Variants in STXBP5L observed in about 807,000 individuals in gnomAD.
The protein encoded by STXBP5L is syntaxin-binding protein 5-like.
A neutral mutation model predicts 144.5 loss-of-function variants in STXBP5L; 65 were observed. The ratio of observed to expected loss-of-function variants is 0.45; its 90% CI spans 0.37 to 0.55. The LOEUF is 0.55. Ranked by LOEUF, STXBP5L falls within the 20% of genes least tolerant of loss-of-function variation. The pLI is 0.00. For synonymous variants in STXBP5L, 505 were observed against 469.6 expected (o/e 1.08, Z -0.97); for missense variants, 1,298 against 1,405.5 (o/e 0.92, Z 1.22).
chr3:120,988,692 G>A lies in STXBP5L; in HGVS notation c.287+33655G>A, dbSNP rs1026266213. Among the ~76,000 whole-genome samples, 5 of 151,910 alleles carry A rather than the reference G, an allele frequency of 3.3e-5. No individual in the cohort carries two copies. In the East Asian group the frequency reaches 5.8e-4, roughly 18 times the overall value. ...TAAAAAATTTTTTTAGAGATGAAAG[G>A]GGTACAAGTGCAGTTTTGTTACATG... On this transcript the variant is annotated intron_variant, in intron 3 of 26. Coordinates refer to ENST00000471454, the MANE Select transcript of STXBP5L (RefSeq NM_001308330.2).
At chr3:121,372,296 T>C (rs964185737) in intron 20 of STXBP5L, among the ~76,000 whole-genome samples, 4 of 152,122 alleles carry the variant, frequency 2.6e-5, no homozygotes, top group Admixed American at 6.5e-5. Flanking sequence ...GACCACCCTA[T>C]AGAGTTCAGG....
chr3:121,175,328 T>C (rs78682087), intron 9 of STXBP5L, among the ~76,000 whole-genome samples: 5,405 of 152,068 alleles, frequency 0.036, 147 homozygotes, highest in Middle Eastern at 0.082. Context: ...CTGTAACTAC[T>C]GGCTAGATTA....
At chr3:121,196,496 A>G (rs2047926050) in intron 9 of STXBP5L, among the ~76,000 whole-genome samples, 1 of 152,072 alleles carries the variant, frequency 6.6e-6, no homozygotes, top group Admixed American at 6.6e-5. Flanking sequence ...GTGTTCAAAG[A>G]ACCAACTTTT....
At chr3:120,940,832 A>G (rs555238428) in intron 2 of STXBP5L, among the ~76,000 whole-genome samples, 1 of 151,828 alleles carries the variant, frequency 6.6e-6, no homozygotes, top group South Asian at 2.1e-4. Context: ...TGGTATGTAT[A>G]TATACTTTTC....
intron 20 of STXBP5L, among the ~76,000 whole-genome samples, chr3:121,348,480 T>A (rs1044778030): frequency 1.3e-5 from 2 of 152,154 alleles, no homozygotes; most frequent in Non-Finnish European, 1.5e-5. Flanking sequence ...ATAAAATGAG[T>A]TAGGGAGGAT....
intron 7 of STXBP5L, among the ~76,000 whole-genome samples, chr3:121,142,117 CTAT>C (rs1296191992): frequency 6.6e-6 from 1 of 151,782 alleles, no homozygotes; most frequent in African/African-American, 2.4e-5. Flanking sequence ...GGAGGGATGG[CTAT>C]TATTATTGCA....
chr3:121,347,673 A>AT (rs1452460057), intron 20 of STXBP5L, among the ~76,000 whole-genome samples: 15 of 152,082 alleles, frequency 9.9e-5, no homozygotes, highest in African/African-American at 3.4e-4. Flanking sequence ...AGATCCTTAC[A>AT]TCCCTTGTAA....
intron 19 of STXBP5L, among the ~76,000 whole-genome samples, chr3:121,308,550 A>T (rs1246429941): frequency 6.6e-6 from 1 of 152,220 alleles, no homozygotes; most frequent in Non-Finnish European, 1.5e-5. Context: ...ATAAAACAAC[A>T]TATATATAAT....
At chr3:121,037,993 G>T (rs1298321972) in intron 3 of STXBP5L, among the ~76,000 whole-genome samples, 1 of 151,780 alleles carries the variant, frequency 6.6e-6, no homozygotes, top group Non-Finnish European at 1.5e-5. Flanking sequence ...AGTTTTTATG[G>T]TAATATTCCT....
At chr3:121,110,016 A>G (rs1303517468) in intron 5 of STXBP5L, among the ~76,000 whole-genome samples, 1 of 152,070 alleles carries the variant, frequency 6.6e-6, no homozygotes, top group Non-Finnish European at 1.5e-5. Context: ...TCTTGTCAGA[A>G]ACTAGGATTG....
At chr3:121,090,455 G>A (rs915338247) in intron 5 of STXBP5L, among the ~76,000 whole-genome samples, 2 of 152,048 alleles carry the variant, frequency 1.3e-5, no homozygotes, top group Non-Finnish European at 2.9e-5. Flanking sequence ...TTCAGAAATT[G>A]AAATATTTTA....
intron 20 of STXBP5L, among the ~76,000 whole-genome samples, chr3:121,362,693 A>G (rs1290142625): frequency 2.6e-5 from 4 of 152,102 alleles, no homozygotes; most frequent in African/African-American, 9.7e-5. Flanking sequence ...TCCTGGAATC[A>G]GGGACCCCAA....
intron 5 of STXBP5L, among the ~76,000 whole-genome samples, chr3:121,053,903 A>C (rs1948233481): frequency 6.6e-6 from 1 of 152,046 alleles, no homozygotes; most frequent in Non-Finnish European, 1.5e-5. Context: ...AAAAAAAAAC[A>C]AACAACCCCA....
chr3:121,021,155 C>A (rs907250075), intron 3 of STXBP5L, among the ~76,000 whole-genome samples: 3 of 151,914 alleles, frequency 2.0e-5, no homozygotes, highest in Non-Finnish European at 4.4e-5. Flanking sequence ...TTTAAAGCAA[C>A]AGCAGTTAAA....
chr3:121,366,145 T>C (rs1426214569), intron 20 of STXBP5L, among the ~76,000 whole-genome samples: 1 of 152,028 alleles, frequency 6.6e-6, no homozygotes, highest in Non-Finnish European at 1.5e-5. Flanking sequence ...GCATCTATCT[T>C]TTTAAGTCTA....
chr3:121,068,070 C>A (rs1306910607), intron 5 of STXBP5L, among the ~76,000 whole-genome samples: 1 of 152,232 alleles, frequency 6.6e-6, no homozygotes, highest in Non-Finnish European at 1.5e-5. Flanking sequence ...AGTGCAGTGG[C>A]ACAATCTCAG....
chr3:121,059,425 C>G (rs1948670568), intron 5 of STXBP5L, among the ~76,000 whole-genome samples: 1 of 152,068 alleles, frequency 6.6e-6, no homozygotes, highest in African/African-American at 2.4e-5. Flanking sequence ...CAGCTTTGTT[C>G]TTTTTGCTTA....
chr3:120,950,546 T>G (rs1711148996), intron 2 of STXBP5L, among the ~76,000 whole-genome samples: 1 of 149,884 alleles, frequency 6.7e-6, no homozygotes, highest in Admixed American at 6.7e-5. Context: ...TCAATTTTTT[T>G]TATTATACTT....
intron 20 of STXBP5L, among the ~76,000 whole-genome samples, chr3:121,375,910 A>G (rs1251585603): frequency 6.6e-6 from 1 of 152,198 alleles, no homozygotes; most frequent in Non-Finnish European, 1.5e-5. Context: ...TGTATTGCTG[A>G]ACTACGAGAT....
Sources: allele counts gnomAD v4.1 joint callset (sites outside exome capture counted in the v4.1 genomes callset), GRCh38; gene constraint gnomAD v4.1.1; transcripts MANE v1.5; gene names NCBI Gene and HGNC (gene_info 2026-07-23, HGNC 2026-07-21).